GRHL2: variants seen among roughly 807,000 people sequenced by gnomAD.
GRHL2 encodes grainyhead like transcription factor 2, also known as grainyhead-like protein 2 homolog.
Under a neutral mutation model 83.8 loss-of-function variants are expected in GRHL2, and 21 were observed. The ratio of observed to expected loss-of-function variants is 0.25; its 90% CI spans 0.18 to 0.36. The LOEUF is 0.36. GRHL2 is among the 10% of genes least tolerant of loss of function. The pLI, the probability that GRHL2 is intolerant of heterozygous loss-of-function variation, is 1.00. For missense variants in GRHL2, 623 were observed against 781.8 expected, an observed-to-expected ratio of 0.80 and a Z score of 2.42; for synonymous variants, 280 against 278.9, an observed-to-expected ratio of 1.00 and a Z score of -0.04.
rs568907684 is a variant in GRHL2 at position 101,664,945 on chromosome 8, G to A, written c.1763+427G>A. On this transcript the variant is annotated intron_variant, in intron 15 of 15. Transcript: ENST00000646743. The stretch of plus-strand genomic sequence containing the variant: ...CCTCTAAGGTAATTATCAAGAAAAT[G>A]TTCTCAAATGATCATTGGACCTGTG... Among the ~76,000 whole-genome samples, 5 of 152,278 alleles carry A rather than the reference G, an allele frequency of 3.3e-5. No individual in the cohort carries two copies. The South Asian group carries it at 1.0e-3, about 32-fold the overall frequency.
At chr8:101,646,473 C>T (rs1813513351) in intron 13 of GRHL2, among the ~76,000 whole-genome samples, 1 of 152,214 alleles carries the variant, frequency 6.6e-6, no homozygotes, top group South Asian at 2.1e-4. Context: ...CTGTAACCTT[C>T]CAGCAATAAC....
intron 13 of GRHL2, among the ~76,000 whole-genome samples, chr8:101,645,213 A>C (rs1441156900): frequency 7.0e-6 from 1 of 143,882 alleles, no homozygotes; most frequent in Non-Finnish European, 1.5e-5. Flanking sequence ...GCTCACTGCA[A>C]CCTCCACCTC....
At chr8:101,533,587 G>A (rs1389264656) in intron 1 of GRHL2, among the ~76,000 whole-genome samples, 1 of 152,206 alleles carries the variant, frequency 6.6e-6, no homozygotes, top group Admixed American at 6.5e-5. Flanking sequence ...TGTGTTTAAG[G>A]AGGTGATGGC....
At chr8:101,561,413 T>A (rs1245829912) in intron 4 of GRHL2, among the ~76,000 whole-genome samples, 1 of 152,176 alleles carries the variant, frequency 6.6e-6, no homozygotes, top group African/African-American at 2.4e-5. Context: ...AGGCAAAGAT[T>A]ATTCATTTCT....
chr8:101,566,050 C>A (rs933052165), intron 4 of GRHL2, among the ~76,000 whole-genome samples: 1 of 152,158 alleles, frequency 6.6e-6, no homozygotes, highest in Non-Finnish European at 1.5e-5. Context: ...ATCCTCCACA[C>A]ATTTAAAGGA....
chr8:101,636,447 G>A (rs142217629), intron 11 of GRHL2, among the ~76,000 whole-genome samples: 1 of 151,930 alleles, frequency 6.6e-6, no homozygotes, highest in Non-Finnish European at 1.5e-5. Context: ...TCTCCATCCC[G>A]CATTTGGTCC....
intron 4 of GRHL2, among the ~76,000 whole-genome samples, chr8:101,569,864 TATAG>T (rs1811787247): frequency 6.6e-6 from 1 of 152,242 alleles, no homozygotes; most frequent in African/African-American, 2.4e-5. Context: ...CCTCATTTTA[TATAG>T]GTAACAGGTA....
At chr8:101,521,274 G>A (rs922012649) in intron 1 of GRHL2, among the ~76,000 whole-genome samples, 4 of 152,172 alleles carry the variant, frequency 2.6e-5, no homozygotes, top group African/African-American at 7.2e-5. Context: ...AGGAGTCCCT[G>A]TTCCCCAAGA....
intron 3 of GRHL2, among the ~76,000 whole-genome samples, chr8:101,555,426 G>A (rs1468730369): frequency 6.6e-6 from 1 of 152,000 alleles, no homozygotes; most frequent in Non-Finnish European, 1.5e-5. Context: ...CAGTCACGGT[G>A]GTCTCGTTAT....
At chr8:101,561,939 A>G in intron 4 of GRHL2, 1 of 580,224 alleles carries the variant, frequency 1.7e-6, no homozygotes, top group East Asian at 3.3e-5. Flanking sequence ...ATAATTTAGC[A>G]GTTCCAAGTC....
At chr8:101,661,496 C>T (rs953501081) in intron 14 of GRHL2, among the ~76,000 whole-genome samples, 18 of 152,216 alleles carry the variant, frequency 1.2e-4, no homozygotes, top group African/African-American at 4.3e-4. Flanking sequence ...CACATCCTCC[C>T]ATGTACTTTA....
intron 7 of GRHL2, among the ~76,000 whole-genome samples, chr8:101,591,856 G>A (rs1163266177): frequency 6.6e-6 from 1 of 152,186 alleles, no homozygotes; most frequent in Non-Finnish European, 1.5e-5. Context: ...GCCAGGAGAT[G>A]ACAATGTCTT....
At chr8:101,504,149 C>T (rs1056486630) in intron 1 of GRHL2, among the ~76,000 whole-genome samples, 28 of 152,190 alleles carry the variant, frequency 1.8e-4, no homozygotes, top group African/African-American at 6.5e-4. Flanking sequence ...AGAATTGACC[C>T]GATCCCCTGC....
intron 1 of GRHL2, among the ~76,000 whole-genome samples, chr8:101,530,079 C>G (rs1810892705): frequency 1.3e-5 from 2 of 152,174 alleles, no homozygotes; most frequent in African/African-American, 4.8e-5. Context: ...CCATTGGGCA[C>G]ACTGTACAGG....
At chr8:101,571,500 A>AG (rs1811821443) in intron 5 of GRHL2, among the ~76,000 whole-genome samples, 1 of 151,498 alleles carries the variant, frequency 6.6e-6, no homozygotes, top group African/African-American at 2.4e-5. Context: ...TAAAAAAAAA[A>AG]AAAAAAGAGT....
At chr8:101,586,785 G>A (rs1017587680) in intron 7 of GRHL2, among the ~76,000 whole-genome samples, 3 of 152,146 alleles carry the variant, frequency 2.0e-5, no homozygotes, top group African/African-American at 7.2e-5. Context: ...ACAGTAAGCA[G>A]GCCTGTGCCT....
chr8:101,632,460 T>C, intron 11 of GRHL2, 95 bp downstream of exon 11: 1 of 1,424,038 alleles, frequency 7.0e-7, no homozygotes, highest in South Asian at 1.1e-5. Flanking sequence ...ACCTCAAAAA[T>C]AACTTACCTT....
At chr8:101,563,163 A>G (rs1164382458) in intron 4 of GRHL2, among the ~76,000 whole-genome samples, 1 of 152,150 alleles carries the variant, frequency 6.6e-6, no homozygotes, top group Non-Finnish European at 1.5e-5. Flanking sequence ...AAGTATGCTC[A>G]TGGTTATTTA....
rs1814090318 is a variant in GRHL2 at position 101,667,268 on chromosome 8, C to T, written c.*565C>T. On this transcript the variant is annotated 3_prime_UTR_variant, in exon 16 of 16. Coordinates refer to ENST00000646743, the MANE Select transcript of GRHL2 (RefSeq NM_024915.4). ...TCCAGGGTTCCCAGCAAGTGGCCAC[C>T]AGGCCTTGTACAGGAAGACATTCAG... 5.4e-6 allele frequency: 1 copy of T among 185,432 alleles called. No individual in the cohort carries two copies. Among genetic ancestry groups the T allele is most frequent in the Non-Finnish European group, 1.2e-5 (1 of 86,604 alleles). 11.5% of individuals were successfully genotyped at this position (185,432 alleles called of 1,614,324 possible).
Sources: gnomAD v4.1 joint callset for allele counts (sites outside exome capture counted in the v4.1 genomes callset) on GRCh38, gnomAD v4.1.1 for gene constraint, MANE v1.5 for transcripts, NCBI Gene and HGNC (gene_info 2026-07-23, HGNC 2026-07-21) for gene names.